RAPGEF4: variants seen among roughly 807,000 people sequenced by gnomAD.
The protein encoded by RAPGEF4 is RAP guanine-nucleotide-exchange factor (GEF) 4.
Under a neutral mutation model 147.9 loss-of-function variants are expected in RAPGEF4, and 66 were observed. The observed-to-expected ratio is 0.45, with a 90% CI of 0.37 to 0.55. The LOEUF is 0.55. Among genes scored for constraint, RAPGEF4 ranks in the 20% least tolerant of loss-of-function variants. RAPGEF4 has a pLI of 0.00. For synonymous variants in RAPGEF4, 419 were observed against 442.7 expected, an observed-to-expected ratio of 0.95 and a Z score of 0.67; for missense variants, 1,071 against 1,257.3, an observed-to-expected ratio of 0.85 and a Z score of 2.24.
chr2:172,860,289 A>G, intron 4 of RAPGEF4: 1 of 985,420 alleles, frequency 1.0e-6, no homozygotes, highest in Non-Finnish European at 1.2e-6. Context: ...GACCTGGGAG[A>G]AGTGTCTGGT....
chr2:172,996,514 A>G lies in RAPGEF4; in HGVS notation c.1539A>G (p.Leu513=). The change falls in exon 16 of 31, where the codon CTA becomes CTG. Residue 513 remains leucine, a synonymous_variant. Transcript: ENST00000397081. ...GTPEKILEHF[L]ETIRLEATLN... ...CTGAAAAAATTTTAGAGCATTTTCT[A>G]GAAACAATACGCCTTGAGGCAACTT... The G allele has an allele frequency of 6.3e-7, 1 of 1,583,890 alleles. No individual in the cohort carries two copies. Among genetic ancestry groups the G allele is most frequent in the Non-Finnish European group, 8.5e-7 (1 of 1,170,024 alleles).
intron 4 of RAPGEF4, among the ~76,000 whole-genome samples, chr2:172,885,436 G>A (rs961597377): frequency 2.6e-5 from 4 of 152,134 alleles, no homozygotes; most frequent in South Asian, 2.1e-4. Flanking sequence ...CCAGCTGGTC[G>A]CCCTGTGTAT....
intron 4 of RAPGEF4, among the ~76,000 whole-genome samples, chr2:172,911,746 A>G (rs894145091): frequency 7.3e-6 from 1 of 137,888 alleles, no homozygotes; most frequent in Non-Finnish European, 1.5e-5. Context: ...GACATGAACC[A>G]CTGTGCTAAG....
chr2:173,024,869 T>C (rs1427186132), intron 23 of RAPGEF4, among the ~76,000 whole-genome samples: 3 of 152,216 alleles, frequency 2.0e-5, no homozygotes, highest in East Asian at 3.9e-4. Context: ...CTGTGCTCTC[T>C]GCTCCTGCCA....
At chr2:173,027,982 G>T (rs1696827250) in intron 25 of RAPGEF4, among the ~76,000 whole-genome samples, 3 of 152,162 alleles carry the variant, frequency 2.0e-5, no homozygotes, top group Admixed American at 1.3e-4. Context: ...CTTTCTAAAT[G>T]CAGGGAGCTC....
chr2:172,926,017 GGGAGGGAGGGAGGGAC>G lies in RAPGEF4; in HGVS notation c.537+3733_537+3748del, dbSNP rs1189323534. Among the ~76,000 whole-genome samples, 20 of 82,956 alleles carry G rather than the reference GGGAGGGAGGGAGGGAC, an allele frequency of 2.4e-4. 1 individual carries two copies. Among genetic ancestry groups the G allele is most frequent in the Admixed American group, 1.1e-3 (10 of 9,516 alleles). 54.4% of individuals were successfully genotyped at this position (82,956 alleles called of 152,430 possible). A position where few individuals can be genotyped will look rare whatever the true frequency, so the allele number is the denominator to read the frequency against. On this transcript the variant is annotated intron_variant, in intron 6 of 30. Transcript: ENST00000397081. Reference sequence around the variant, plus strand: ...GGAAGGAAGGGAAAGAAAGGACGGAGGGAGGGAGGGAGGGACGGAGGGAGGGAGGGAGGGAGGGAGG... The same window carrying G: ...GGAAGGAAGGGAAAGAAAGGACGGAGGGAGGGAGGGAGGGAGGGAGGGAGG...
rs564295113 is a variant in RAPGEF4, at chr2:172,739,898, G to A, written c.65+3850G>A. Among the ~76,000 whole-genome samples, 49 of 152,326 alleles carry A rather than the reference G, an allele frequency of 3.2e-4. 1 individual carries two copies. The South Asian group carries it at 9.1e-3, about 28-fold the overall frequency. On this transcript the variant is annotated intron_variant, in intron 1 of 30. Transcript: ENST00000397081. ...GTGGGCCAGATCTGACAGCTTGCCC[G>A]TATGTCTCGTGGGCTAAGAATGGTT...
chr2:172,824,612 G>T (rs114526978), intron 4 of RAPGEF4, among the ~76,000 whole-genome samples: 1,849 of 152,310 alleles, frequency 0.012, 36 homozygotes, highest in African/African-American at 0.04. Flanking sequence ...GTTCAAGGCT[G>T]TATGATTTAG....
At chr2:172,881,005 A>G (rs1028054239) in intron 4 of RAPGEF4, among the ~76,000 whole-genome samples, 1 of 152,212 alleles carries the variant, frequency 6.6e-6, no homozygotes, top group African/African-American at 2.4e-5. Flanking sequence ...TCTTTTAAAA[A>G]TGGCTTCTAT....
intron 6 of RAPGEF4, among the ~76,000 whole-genome samples, chr2:172,943,493 A>T (rs2105342606): frequency 1.3e-5 from 2 of 152,282 alleles, no homozygotes; most frequent in East Asian, 1.9e-4. Context: ...AAGATAACTG[A>T]TGTGACTCAC....
At chr2:172,830,232 T>C (rs1690144441) in intron 4 of RAPGEF4, among the ~76,000 whole-genome samples, 7 of 152,368 alleles carry the variant, frequency 4.6e-5, no homozygotes, top group Admixed American at 3.9e-4. Flanking sequence ...CATCAAGCTT[T>C]AAGGCTTTGA....
intron 4 of RAPGEF4, among the ~76,000 whole-genome samples, chr2:172,857,785 T>C (rs1207947659): frequency 6.7e-6 from 1 of 150,142 alleles, no homozygotes; most frequent in Middle Eastern, 3.5e-3. Context: ...GAGACTGAGG[T>C]GGCGAAGATC....
intron 6 of RAPGEF4, among the ~76,000 whole-genome samples, chr2:172,960,459 A>C (rs927722552): frequency 1.3e-4 from 20 of 152,078 alleles, no homozygotes; most frequent in Non-Finnish European, 1.8e-4. Flanking sequence ...GATGTTTGTT[A>C]GGCTCTGAAT....
At chr2:172,934,861 AACCTGGATCAAGCC>A (rs1686385818) in intron 6 of RAPGEF4, among the ~76,000 whole-genome samples, 1 of 152,156 alleles carries the variant, frequency 6.6e-6, no homozygotes, top group Non-Finnish European at 1.5e-5. Context: ...AGGTGGCAGA[AACCTGGATCAAGCC>A]ACCTCGAAAG....
intron 1 of RAPGEF4, among the ~76,000 whole-genome samples, chr2:172,794,684 GT>G (rs1444470856): frequency 6.6e-6 from 1 of 152,104 alleles, no homozygotes; most frequent in Non-Finnish European, 1.5e-5. Context: ...AGGCATTTGT[GT>G]TTGTGACTTC....
At chr2:172,992,464 T>C (rs928311612) in intron 15 of RAPGEF4, among the ~76,000 whole-genome samples, 6 of 152,372 alleles carry the variant, frequency 3.9e-5, no homozygotes, top group South Asian at 2.1e-4. Flanking sequence ...GGGAAAATTA[T>C]GCTTACTGAA....
chr2:172,774,870 T>C (rs193206806), intron 1 of RAPGEF4, among the ~76,000 whole-genome samples: 2 of 152,214 alleles, frequency 1.3e-5, no homozygotes, highest in African/African-American at 4.8e-5. Context: ...ACCAGTATTG[T>C]TGAATGAAAG....
At chr2:173,047,441 T>A (rs911513028) in intron 29 of RAPGEF4, among the ~76,000 whole-genome samples, 2 of 152,192 alleles carry the variant, frequency 1.3e-5, no homozygotes, top group Non-Finnish European at 2.9e-5. Context: ...ACATGCTTTT[T>A]AAAAAATGTT....
At chr2:172,803,891 T>C (rs1462649051) in intron 3 of RAPGEF4, among the ~76,000 whole-genome samples, 1 of 152,192 alleles carries the variant, frequency 6.6e-6, no homozygotes, top group Non-Finnish European at 1.5e-5. Context: ...CACCAGTGTC[T>C]TTGCTAAAAC....
Sources: allele counts gnomAD v4.1 joint callset (sites outside exome capture counted in the v4.1 genomes callset), GRCh38; gene constraint gnomAD v4.1.1; transcripts MANE v1.5; gene names NCBI Gene and HGNC (gene_info 2026-07-23, HGNC 2026-07-21).